The following ATRNL1 variants were observed in gnomAD, a reference collection of about 807,000 sequenced individuals.
ATRNL1 encodes attractin-like protein 1.
In ATRNL1, 95 loss-of-function variants were observed where a neutral mutation model predicts 182.7. That is an observed-to-expected ratio of 0.52 (90% confidence interval 0.44 to 0.62). The LOEUF (loss-of-function observed/expected upper bound fraction) is 0.62. Among genes scored for constraint, ATRNL1 ranks in the 20% least tolerant of loss-of-function variants. The pLI is 0.00. For missense variants in ATRNL1, 1,471 were observed against 1,679.5 expected (o/e 0.88, Z 2.17); for synonymous variants, 576 against 568.3 (o/e 1.01, Z -0.19).
intron 18 of ATRNL1, among the ~76,000 whole-genome samples, chr10:115,321,226 T>C (rs1332343822): frequency 1.3e-5 from 2 of 152,146 alleles, no homozygotes; most frequent in African/African-American, 4.8e-5. Context: ...CCTGGAGATA[T>C]CACTCAAGGA....
At chr10:115,131,209 T>C (rs1371929618) in intron 5 of ATRNL1, among the ~76,000 whole-genome samples, 1 of 152,076 alleles carries the variant, frequency 6.6e-6, no homozygotes, top group Non-Finnish European at 1.5e-5. Context: ...GTCTAAGAAC[T>C]ACTTGTCTGT....
intron 28 of ATRNL1, among the ~76,000 whole-genome samples, chr10:115,930,122 G>A (rs2054532): frequency 0.98 from 148,918 of 152,282 alleles, 72,902 homozygotes; most frequent in East Asian, 1. Context: ...CTTTAATGCC[G>A]GTGCTTTGTA....
chr10:115,802,083 C>T (rs1223638131), intron 27 of ATRNL1, among the ~76,000 whole-genome samples: 1 of 125,504 alleles, frequency 8.0e-6, no homozygotes, highest in African/African-American at 2.8e-5. Flanking sequence ...TTCCGCCCCC[C>T]ACCACCACAC....
intron 26 of ATRNL1, among the ~76,000 whole-genome samples, chr10:115,598,348 AAATT>A (rs1314533654): frequency 1.8e-4 from 6 of 34,022 alleles, no homozygotes; most frequent in Admixed American, 1.3e-3. Context: ...TTATTTAAAA[AAATT>A]ATTTATTTAT....
chr10:115,556,223 A>G (rs1269197501), intron 26 of ATRNL1, among the ~76,000 whole-genome samples: 1 of 152,096 alleles, frequency 6.6e-6, no homozygotes, highest in Non-Finnish European at 1.5e-5. Context: ...CTATTGCACA[A>G]TGTTCACTTC....
At chr10:115,206,934 C>T (rs576628974) in intron 8 of ATRNL1, among the ~76,000 whole-genome samples, 16 of 152,192 alleles carry the variant, frequency 1.1e-4, no homozygotes, top group South Asian at 6.2e-4. Flanking sequence ...TGAGAACATG[C>T]GGTGTTTGGT....
chr10:115,191,644 T>C (rs1171516036), intron 8 of ATRNL1, among the ~76,000 whole-genome samples: 1 of 152,066 alleles, frequency 6.6e-6, no homozygotes, highest in Non-Finnish European at 1.5e-5. Flanking sequence ...GTTCTCATTA[T>C]AGTGAGTGAG....
At chr10:115,430,517 A>C (rs1554963750) in intron 21 of ATRNL1, among the ~76,000 whole-genome samples, 2 of 151,678 alleles carry the variant, frequency 1.3e-5, no homozygotes, top group East Asian at 1.9e-4. Context: ...TTTAACTTTT[A>C]TTTTAGGCTC....
intron 10 of ATRNL1, among the ~76,000 whole-genome samples, chr10:115,260,771 A>C (rs1554908595): frequency 6.6e-6 from 1 of 152,160 alleles, no homozygotes; most frequent in Non-Finnish European, 1.5e-5. Flanking sequence ...TAAAATTAGG[A>C]AAACAAATCA....
chr10:115,704,084 C>T (rs1426517602), intron 26 of ATRNL1, among the ~76,000 whole-genome samples: 1 of 151,904 alleles, frequency 6.6e-6, no homozygotes, highest in Non-Finnish European at 1.5e-5. Flanking sequence ...AATTTTTAAA[C>T]TTGAAAAAGT....
chr10:115,677,159 C>A (rs1185254765), intron 26 of ATRNL1, among the ~76,000 whole-genome samples: 2 of 151,966 alleles, frequency 1.3e-5, no homozygotes, highest in African/African-American at 2.4e-5. Flanking sequence ...CGATAGAGGG[C>A]TATTGATGTG....
intron 1 of ATRNL1, among the ~76,000 whole-genome samples, chr10:115,096,196 T>G (rs184097878): frequency 6.6e-6 from 1 of 152,340 alleles, no homozygotes; most frequent in Non-Finnish European, 1.5e-5. Context: ...AGCTATTATT[T>G]CCTAGGACTC....
In ATRNL1 at chr10:115,598,656, C is replaced by A. The variant is rs1164341279; in HGVS notation, c.3795+49120C>A. ...ATTATTTTTAAAATAATGAAAAACCCATTCCTATTATAATAAATAACATAT... is the reference window on the plus strand; with the variant it reads ...ATTATTTTTAAAATAATGAAAAACCAATTCCTATTATAATAAATAACATAT... On this transcript the variant is annotated intron_variant, in intron 26 of 28. Coordinates refer to ENST00000355044, the MANE Select transcript of ATRNL1 (RefSeq NM_207303.4). Among the ~76,000 whole-genome samples, 3 of 151,926 alleles carry A rather than the reference C, an allele frequency of 2.0e-5. No homozygotes were observed. In the East Asian group the frequency reaches 5.8e-4, roughly 29 times the overall value.
At position 115,176,884 on chromosome 10, in the gene ATRNL1, A is replaced by G. The variant is rs60927673; in HGVS notation, c.1348+5592A>G. On this transcript the variant is annotated intron_variant, in intron 8 of 28. Coordinates refer to ENST00000355044, the MANE Select transcript of ATRNL1 (RefSeq NM_207303.4). ...ATACCTCCTTATGTGTACACTTTCT[A>G]GTAAAGTGCCATATTCTTACTGGAG... is the stretch of plus-strand genomic sequence containing the variant. Among the ~76,000 whole-genome samples, 495 of 152,158 alleles carry G rather than the reference A, an allele frequency of 3.3e-3. 20 individuals carry two copies. In the East Asian group the frequency reaches 0.087, roughly 27 times the overall value.
At chr10:115,426,820 G>A (rs1161958706) in intron 21 of ATRNL1, among the ~76,000 whole-genome samples, 5 of 152,124 alleles carry the variant, frequency 3.3e-5, no homozygotes, top group Non-Finnish European at 5.9e-5. Context: ...TGCCTCCCAG[G>A]TTCAAGTGAT....
intron 26 of ATRNL1, among the ~76,000 whole-genome samples, chr10:115,571,369 C>T (rs1447590954): frequency 6.6e-6 from 1 of 152,100 alleles, no homozygotes; most frequent in East Asian, 1.9e-4. Context: ...TTCAACTTAC[C>T]GTTTTCCAGA....
intron 25 of ATRNL1, among the ~76,000 whole-genome samples, chr10:115,545,931 A>G (rs1852626630): frequency 6.6e-6 from 1 of 152,206 alleles, no homozygotes; most frequent in South Asian, 2.1e-4. Context: ...GCAATTTAAT[A>G]CTTTGAACCT....
chr10:115,847,797 C>A, intron 27 of ATRNL1, 80 bp from the exon 28 acceptor site: 1 of 766,614 alleles, frequency 1.3e-6, no homozygotes, highest in Non-Finnish European at 2.3e-6. Flanking sequence ...AGCACAGCTA[C>A]CTAAAGGATA....
chr10:115,617,313 G>A (rs782154257), intron 26 of ATRNL1, among the ~76,000 whole-genome samples: 1 of 152,104 alleles, frequency 6.6e-6, no homozygotes. Context: ...TATTTAGTCA[G>A]TGCCTATAAC....
Sources: gnomAD v4.1 joint callset for allele counts (sites outside exome capture counted in the v4.1 genomes callset) on GRCh38, gnomAD v4.1.1 for gene constraint, MANE v1.5 for transcripts, NCBI Gene and HGNC (gene_info 2026-07-23, HGNC 2026-07-21) for gene names.